Variants in SPATA6 observed in about 807,000 individuals in gnomAD.
The protein encoded by SPATA6 is spermatogenesis associated 6, also known as spermatogenesis-associated protein 6.
In SPATA6, 56 loss-of-function variants were observed where a neutral mutation model predicts 65.3. The ratio of observed to expected loss-of-function variants is 0.86; its 90% CI spans 0.69 to 1.07. The LOEUF (loss-of-function observed/expected upper bound fraction) is 1.07. Ranked by LOEUF, SPATA6 falls within the 50% of genes least tolerant of loss-of-function variation. The pLI is 0.00. For synonymous variants in SPATA6, 199 were observed against 213.2 expected, an observed-to-expected ratio of 0.93 and a Z score of 0.58; for missense variants, 590 against 594.8, an observed-to-expected ratio of 0.99 and a Z score of 0.08.
the SPATA6 span, among the ~76,000 whole-genome samples, chr1:48,273,164 T>A: frequency 6.6e-6 from 1 of 152,184 alleles, no homozygotes; most frequent in East Asian, 1.9e-4. Context: ...CCTTTTGTTA[T>A]CATATCCAAA....
chr1:48,434,329 T>G (rs1436531376), intron 3 of SPATA6, among the ~76,000 whole-genome samples: 1 of 148,096 alleles, frequency 6.8e-6, no homozygotes, highest in East Asian at 2.0e-4. Context: ...AGATAAAAAA[T>G]TTAAAAATAA....
the SPATA6 span, among the ~76,000 whole-genome samples, chr1:48,267,029 C>T: frequency 1.3e-3 from 201 of 151,588 alleles, no homozygotes; most frequent in African/African-American, 4.0e-3. Context: ...TAATTATTTC[C>T]GAAATAAATA....
At position 48,355,607 on chromosome 1, in the gene SPATA6, C is replaced by T. The variant is rs866992849; in HGVS notation, c.1194+63G>A. Reference sequence around the variant, plus strand: ...GTGACTAAATTTTGTAAGCTTTAGGCATCTTTGGTGGTTTTCTTGACCTAT... The same window carrying T: ...GTGACTAAATTTTGTAAGCTTTAGGTATCTTTGGTGGTTTTCTTGACCTAT... On this transcript the variant is annotated intron_variant, in intron 11 of 12. Coordinates refer to ENST00000371847, the MANE Select transcript of SPATA6 (RefSeq NM_019073.4). 302 of 1,139,204 alleles carry T rather than the reference C, an allele frequency of 2.7e-4. 2 individuals are homozygous for T. The Middle Eastern group carries it at 7.5e-3, about 28-fold the overall frequency. The allele number at this position is 1,139,204 out of a possible 1,614,324, so 70.6% of individuals were successfully genotyped here.
At chr1:48,375,826 G>C (rs1314587558) in intron 9 of SPATA6, among the ~76,000 whole-genome samples, 1 of 151,954 alleles carries the variant, frequency 6.6e-6, no homozygotes, top group African/African-American at 2.4e-5. Context: ...TTTCACCAAG[G>C]ATATTTTAGA....
chr1:48,291,482 A>G (rs2148623158), downstream of SPATA6, among the ~76,000 whole-genome samples: 1 of 152,298 alleles, frequency 6.6e-6, no homozygotes. Context: ...TCTCTGCTGC[A>G]TCACACAGGT....
intron 6 of SPATA6, among the ~76,000 whole-genome samples, chr1:48,400,041 T>C (rs530139025): frequency 6.6e-6 from 1 of 151,950 alleles, no homozygotes; most frequent in Non-Finnish European, 1.5e-5. Flanking sequence ...TTAGTAATGT[T>C]AAAAATACAT....
chr1:48,355,939 T>C (rs1248642078), intron 10 of SPATA6, among the ~76,000 whole-genome samples, 170 bp from the exon 11 acceptor site: 1 of 152,166 alleles, frequency 6.6e-6, no homozygotes, highest in African/African-American at 2.4e-5. Flanking sequence ...CACACAGTTA[T>C]TTGGAGCTTT....
Position 48,471,985 on chromosome 1 carries a change from C to G in SPATA6, c.24G>C (p.Gln8His), listed in dbSNP as rs1272547725. ...AGCTGATCTCCAGCGCCAGGGCGCACTGCAGCGCCTTCACCTTCGGCATCC... is the reference window on the plus strand; with the variant it reads ...AGCTGATCTCCAGCGCCAGGGCGCAGTGCAGCGCCTTCACCTTCGGCATCC... MPKVKAL[Q>H]CALALEISSV... Residue 8 changes from glutamine (Q) to histidine (H), a missense_variant, in exon 1 of 13, where the codon CAG becomes CAC. Coordinates refer to ENST00000371847, the MANE Select transcript of SPATA6 (RefSeq NM_019073.4). The G allele has an allele frequency of 1.3e-6, 2 of 1,593,862 alleles. No homozygotes were observed. The highest frequency in any genetic ancestry group is 2.3e-5 in the South Asian group (2 of 88,764).
chr1:48,345,683 A>T (rs1274648060), intron 11 of SPATA6, among the ~76,000 whole-genome samples: 1 of 152,034 alleles, frequency 6.6e-6, no homozygotes, highest in Non-Finnish European at 1.5e-5. Context: ...CACAGAAATG[A>T]AAACAACCAT....
chr1:48,361,692 A>G (rs1557611736), intron 9 of SPATA6, among the ~76,000 whole-genome samples: 1 of 152,168 alleles, frequency 6.6e-6, no homozygotes, highest in East Asian at 1.9e-4. Context: ...AATAAAGTTA[A>G]TAATAGCTAG....
chr1:48,330,372 G>A (rs1645880790), intron 11 of SPATA6, among the ~76,000 whole-genome samples: 1 of 152,204 alleles, frequency 6.6e-6, no homozygotes, highest in South Asian at 2.1e-4. Flanking sequence ...CCACTGCTGT[G>A]TGAGGTCAGC....
chr1:48,348,005 G>A (rs968517939), intron 11 of SPATA6, among the ~76,000 whole-genome samples: 20 of 151,966 alleles, frequency 1.3e-4, no homozygotes, highest in Admixed American at 1.3e-4. Flanking sequence ...TCTCAGAGAG[G>A]CAGATGTGAG....
At chr1:48,313,799 C>T (rs901147020) in intron 11 of SPATA6, among the ~76,000 whole-genome samples, 11 of 152,010 alleles carry the variant, frequency 7.2e-5, no homozygotes, top group African/African-American at 2.4e-4. Context: ...TCAGGAGACC[C>T]ATCTTATGTG....
At position 48,437,114 on chromosome 1, in the gene SPATA6, G is replaced by T. The variant is rs1211165682; in HGVS notation, c.238+14438C>A. On this transcript the variant is annotated intron_variant, in intron 3 of 12. Transcript: ENST00000371847. ...GAAAGCCAGGATTCAATACTTTCAC[G>T]GTTGCCTCCTGCTTATAACAAGCCA... 18 of 1,597,820 alleles carry T rather than the reference G, an allele frequency of 1.1e-5. No homozygotes were observed. In the South Asian group the frequency reaches 1.5e-4, roughly 14 times the overall value.
chr1:48,324,249 T>C lies in SPATA6; in HGVS notation c.1195-18371A>G, dbSNP rs1399893812. On this transcript the variant is annotated intron_variant, in intron 11 of 12. Coordinates refer to ENST00000371847, the MANE Select transcript of SPATA6 (RefSeq NM_019073.4). ...CTGGGATTACAGGGATGAGCCATCA[T>C]GCCTTGCAACGCAAACATTGGAAGT... Among the ~76,000 whole-genome samples, 6 of 152,184 alleles carry C rather than the reference T, an allele frequency of 3.9e-5. No homozygotes were observed. The East Asian group carries it at 9.6e-4, about 24-fold the overall frequency.
At chr1:48,291,649 G>C (rs1454510958), downstream of SPATA6, among the ~76,000 whole-genome samples, 1 of 152,188 alleles carries the variant, frequency 6.6e-6, no homozygotes, top group African/African-American at 2.4e-5. Context: ...GCAGGGCTGA[G>C]AACTTGCCCC....
the SPATA6 span, among the ~76,000 whole-genome samples, chr1:48,289,480 C>T: frequency 2.6e-5 from 4 of 152,174 alleles, no homozygotes; most frequent in Admixed American, 1.3e-4. Context: ...AGCAGTGGAA[C>T]AAAGCTGGAT....
chr1:48,271,810 G>A, the SPATA6 span, among the ~76,000 whole-genome samples: 1 of 152,054 alleles, frequency 6.6e-6, no homozygotes, highest in Non-Finnish European at 1.5e-5. Flanking sequence ...GTGATGCCAT[G>A]GATATAAAAA....
intron 9 of SPATA6, among the ~76,000 whole-genome samples, chr1:48,366,213 T>C (rs1017451287): frequency 6.6e-6 from 1 of 152,172 alleles, no homozygotes; most frequent in Non-Finnish European, 1.5e-5. Context: ...TTATTGAGGA[T>C]TTCTGCATCA....
Sources: gnomAD v4.1 joint callset for allele counts (sites outside exome capture counted in the v4.1 genomes callset) on GRCh38, gnomAD v4.1.1 for gene constraint, MANE v1.5 for transcripts, NCBI Gene and HGNC (gene_info 2026-07-23, HGNC 2026-07-21) for gene names.